The following AKAP12 variants were observed in gnomAD, a reference collection of about 807,000 sequenced individuals.
AKAP12 encodes A-kinase anchoring protein 12.
A neutral mutation model predicts 79.9 loss-of-function variants in AKAP12; 32 were observed. The observed-to-expected ratio is 0.40, with a 90% CI of 0.30 to 0.54. The LOEUF (loss-of-function observed/expected upper bound fraction) is 0.54. Ranked by LOEUF, AKAP12 falls within the 20% of genes least tolerant of loss-of-function variation. The probability of loss-of-function intolerance (pLI) is 0.48; values close to 1 mark genes in which losing one functional copy is unlikely to be tolerated. For synonymous variants in AKAP12, 808 were observed against 857.0 expected (o/e 0.94, Z 1.00); for missense variants, 2,074 against 2,177.0 (o/e 0.95, Z 0.94).
In AKAP12 at chr6:151,350,255, C is replaced by T. The variant is rs143476871; in HGVS notation, c.1864C>T (p.Arg622Cys). The change falls in exon 4 of 5, where the codon CGT (arginine) becomes TGT (cysteine). Residue 622 changes from arginine (R) to cysteine (C), a missense_variant. This residue lies in a region of AKAP12 where 1,428 missense variants were observed against 1,451.0 expected (regional missense o/e 0.98). Coordinates refer to ENST00000402676, the MANE Select transcript of AKAP12 (RefSeq NM_005100.4). The surrounding 1 kb of genome is among the most constrained non-coding windows in gnomAD (Gnocchi z 4.8). Reference sequence around the variant, plus strand: ...CAAAAAGATGGTGACGCCCAAGAAGCGTGTTAGACGGCCTTCGGAAAGTGA... The same window carrying T: ...CAAAAAGATGGTGACGCCCAAGAAGTGTGTTAGACGGCCTTCGGAAAGTGA... ...SFKKMVTPKKRVRRPSESDKE... is the reference protein window; with the variant it reads ...SFKKMVTPKKCVRRPSESDKE... 23 of 1,613,808 alleles carry T rather than the reference C, an allele frequency of 1.4e-5. No homozygotes were observed. Among genetic ancestry groups the T allele is most frequent in the East Asian group, 6.7e-5 (3 of 44,854 alleles).
chr6:151,353,889 A>AT, intron 4 of AKAP12, 137 bp downstream of exon 4: 1 of 619,230 alleles, frequency 1.6e-6, no homozygotes, highest in African/African-American at 1.8e-5. Context: ...TATCAACTAG[A>AT]TTCAAAGATC....
intron 3 of AKAP12, among the ~76,000 whole-genome samples, chr6:151,346,072 C>T (rs182133491): frequency 6.6e-6 from 1 of 152,124 alleles, no homozygotes; most frequent in East Asian, 1.9e-4. Flanking sequence ...TAAAATTCAT[C>T]TCATCTAATC....
At chr6:151,339,879 C>A (rs918486157) in intron 3 of AKAP12, among the ~76,000 whole-genome samples, 1 of 152,058 alleles carries the variant, frequency 6.6e-6, no homozygotes, top group African/African-American at 2.4e-5. Flanking sequence ...TAGCTATATA[C>A]ATTTAAGTTC....
intron 3 of AKAP12, chr6:151,319,851 A>C (rs1777334282): frequency 6.5e-6 from 1 of 153,406 alleles, no homozygotes; most frequent in African/African-American, 2.4e-5. Context: ...CCCCTGCTAG[A>C]ACCTCCAAAC....
chr6:151,341,759 A>G (rs373992297), intron 3 of AKAP12: 29 of 1,285,674 alleles, frequency 2.3e-5, no homozygotes, highest in Non-Finnish European at 2.9e-5. Context: ...AGGGCCACCA[A>G]CTGTCCCTTA....
At chr6:151,273,919 C>T (rs1776240611) in intron 2 of AKAP12, among the ~76,000 whole-genome samples, 1 of 152,014 alleles carries the variant, frequency 6.6e-6, no homozygotes, top group Non-Finnish European at 1.5e-5. Context: ...ATCCCAGCTA[C>T]TCGGGAAACT....
intron 2 of AKAP12, among the ~76,000 whole-genome samples, chr6:151,255,316 C>T (rs1194964207): frequency 6.6e-6 from 1 of 152,070 alleles, no homozygotes; most frequent in Admixed American, 6.5e-5. Flanking sequence ...CAGGCATGCA[C>T]CACCACGCCG....
intron 3 of AKAP12, among the ~76,000 whole-genome samples, chr6:151,318,873 G>A (rs1777295706): frequency 6.6e-6 from 1 of 152,156 alleles, no homozygotes; most frequent in Non-Finnish European, 1.5e-5. Flanking sequence ...AGCCCAGGAG[G>A]TTGAGGTTAC....
chr6:151,293,138 A>G (rs180836770), intron 2 of AKAP12, among the ~76,000 whole-genome samples: 2 of 152,348 alleles, frequency 1.3e-5, no homozygotes, highest in East Asian at 3.9e-4. Flanking sequence ...GGATTTCAAA[A>G]CATTTGGTAT....
At chr6:151,339,990 G>C (rs1013760089) in intron 3 of AKAP12, among the ~76,000 whole-genome samples, 2 of 151,334 alleles carry the variant, frequency 1.3e-5, no homozygotes, top group African/African-American at 2.4e-5. Context: ...GCAGTGGCGC[G>C]ATCTCAGCTC....
chr6:151,262,733 AAAG>A (rs1797462748), intron 2 of AKAP12, among the ~76,000 whole-genome samples: 1 of 152,176 alleles, frequency 6.6e-6, no homozygotes, highest in African/African-American at 2.4e-5. Flanking sequence ...CCACCCCCAA[AAAG>A]AAGAAAATTC....
chr6:151,243,948 T>A (rs1797022710), intron 2 of AKAP12, among the ~76,000 whole-genome samples: 1 of 152,194 alleles, frequency 6.6e-6, no homozygotes, highest in Admixed American at 6.5e-5. Context: ...TGTCTCTGGC[T>A]AATCTTGATT....
At chr6:151,318,059 G>A (rs190970942) in intron 3 of AKAP12, among the ~76,000 whole-genome samples, 8 of 152,278 alleles carry the variant, frequency 5.3e-5, no homozygotes, top group East Asian at 3.9e-4. Flanking sequence ...CGTACATGTC[G>A]AAATCCTAAC....
chr6:151,265,923 C>T (rs1293528790), intron 2 of AKAP12, among the ~76,000 whole-genome samples: 2 of 152,202 alleles, frequency 1.3e-5, no homozygotes, highest in Non-Finnish European at 2.9e-5. Context: ...TCTTTTCGTT[C>T]TTCCTTTAGT....
chr6:151,325,844 G>A, intron 3 of AKAP12: 1 of 1,614,118 alleles, frequency 6.2e-7, no homozygotes, highest in Non-Finnish European at 8.5e-7. Flanking sequence ...CTCCTGTACA[G>A]TAGTGCTACT....
chr6:151,285,813 C>CA (rs11427562), intron 2 of AKAP12, among the ~76,000 whole-genome samples: 138,603 of 151,892 alleles, frequency 0.91, 63,612 homozygotes, highest in East Asian at 1. Flanking sequence ...GTATTTGGTT[C>CA]AAAAGTGCAA....
intron 2 of AKAP12, 61 bp downstream of exon 2, chr6:151,240,785 G>A: frequency 2.7e-6 from 3 of 1,103,550 alleles, no homozygotes; most frequent in South Asian, 3.9e-5. Flanking sequence ...GGGGGTGGGG[G>A]TGGGGGGGTC....
chr6:151,287,765 G>A (rs1489334069), intron 2 of AKAP12, among the ~76,000 whole-genome samples: 3 of 152,104 alleles, frequency 2.0e-5, no homozygotes, highest in Non-Finnish European at 4.4e-5. Flanking sequence ...ACATGCATAC[G>A]TATGTTTATT....
intron 2 of AKAP12, among the ~76,000 whole-genome samples, chr6:151,251,767 C>T (rs1797179382): frequency 6.6e-6 from 1 of 152,288 alleles, no homozygotes; most frequent in Admixed American, 6.5e-5. Context: ...GAGGCCGAGG[C>T]GGGCAGATCC....
Sources: allele counts gnomAD v4.1 joint callset (sites outside exome capture counted in the v4.1 genomes callset), GRCh38; gene constraint gnomAD v4.1.1; regional missense constraint gnomAD v4.1.1; non-coding constraint Gnocchi (gnomAD v3.1); transcripts MANE v1.5; gene names NCBI Gene and HGNC (gene_info 2026-07-23, HGNC 2026-07-21).